Variants in ZNF600 observed in about 807,000 individuals in gnomAD.
The protein encoded by ZNF600 is zinc finger protein KR-ZNF1.
In ZNF600, 4 loss-of-function variants were observed where a neutral mutation model predicts 7.3. The ratio of observed to expected loss-of-function variants is 0.55; its 90% confidence interval spans 0.27 to 1.25. ZNF600 has a LOEUF of 1.25. Ranked by LOEUF, ZNF600 falls within the 50% of genes most tolerant of loss-of-function variation. The pLI is 0.12. For missense variants in ZNF600, 911 were observed against 922.1 expected (o/e 0.99, Z 0.16); for synonymous variants, 290 against 308.9 (o/e 0.94, Z 0.64).
the ZNF600 span, among the ~76,000 whole-genome samples, chr19:52,792,948 G>C: frequency 1.3e-5 from 2 of 151,798 alleles, no homozygotes; most frequent in African/African-American, 4.8e-5. Context: ...GTGTTTGCCA[G>C]GATGGTCTCG....
At chr19:52,814,283 C>A in the ZNF600 span, 91,560 of 144,860 alleles carry the variant, frequency 0.63, 32,850 homozygotes, top group Non-Finnish European at 0.71. Context: ...TAAATATAAC[C>A]ATATATATTT....
At chr19:52,792,442 A>G in the ZNF600 span, among the ~76,000 whole-genome samples, 2 of 152,082 alleles carry the variant, frequency 1.3e-5, no homozygotes, top group Non-Finnish European at 2.9e-5. Context: ...CAAAAGAAGG[A>G]CCCAGCACAG....
chr19:52,808,128 T>C, the ZNF600 span: 4 of 1,613,076 alleles, frequency 2.5e-6, no homozygotes, highest in Non-Finnish European at 3.4e-6. Context: ...TGAATGTCAA[T>C]AGACCCTGAA....
At chr19:52,803,094 T>TTATGTA in the ZNF600 span, among the ~76,000 whole-genome samples, 1 of 152,006 alleles carries the variant, frequency 6.6e-6, no homozygotes, top group African/African-American at 2.4e-5. Flanking sequence ...ATTTTTATTT[T>TTATGTA]TTTGAGATAC....
chr19:52,793,815 CACAA>C, the ZNF600 span, among the ~76,000 whole-genome samples: 3 of 132,640 alleles, frequency 2.3e-5, no homozygotes, highest in Admixed American at 7.8e-5. Flanking sequence ...CACACACACA[CACAA>C]AAGTGATGTA....
chr19:52,769,303 G>A (rs1178257503), intron 3 of ZNF600, among the ~76,000 whole-genome samples: 1 of 152,134 alleles, frequency 6.6e-6, no homozygotes, highest in African/African-American at 2.4e-5. Context: ...CAGTGGTCAC[G>A]CTCCTAGTCC....
chr19:52,830,832 GAAGT>G, the ZNF600 span, among the ~76,000 whole-genome samples: 4 of 146,784 alleles, frequency 2.7e-5, 1 homozygote, highest in Middle Eastern at 3.4e-3. Context: ...TGGAGAGCAG[GAAGT>G]AATGGGCATG....
the ZNF600 span, among the ~76,000 whole-genome samples, chr19:52,806,979 T>C: frequency 6.6e-6 from 1 of 152,168 alleles, no homozygotes; most frequent in Non-Finnish European, 1.5e-5. Flanking sequence ...TTTTCAGAGA[T>C]GTGAGGATTT....
At chr19:52,824,643 G>T in the ZNF600 span, among the ~76,000 whole-genome samples, 1 of 151,980 alleles carries the variant, frequency 6.6e-6, no homozygotes, top group East Asian at 1.9e-4. Flanking sequence ...TCAAAAAAAA[G>T]AAATAACTAA....
At chr19:52,801,829 G>C in the ZNF600 span, 1 of 874,542 alleles carries the variant, frequency 1.1e-6, no homozygotes, top group Non-Finnish European at 1.7e-6. Context: ...CAAAGTTTAA[G>C]AACACAAAAG....
chr19:52,801,303 C>G, the ZNF600 span: 29 of 1,614,098 alleles, frequency 1.8e-5, no homozygotes, highest in Non-Finnish European at 2.4e-5. Flanking sequence ...GGGCCTACAA[C>G]AAATTCTTTG....
chr19:52,801,028 A>C, the ZNF600 span: 1 of 1,614,154 alleles, frequency 6.2e-7, no homozygotes. Context: ...CACTCATTAC[A>C]CTTGTAAGGT....
At chr19:52,799,856 G>C in the ZNF600 span, 1 of 1,610,298 alleles carries the variant, frequency 6.2e-7, no homozygotes, top group Non-Finnish European at 8.5e-7. Flanking sequence ...CATTACACTT[G>C]TAAGGTTTCT....
the ZNF600 span, among the ~76,000 whole-genome samples, chr19:52,821,218 C>T: frequency 4.0e-3 from 606 of 152,196 alleles, 5 homozygotes; most frequent in African/African-American, 0.014. Context: ...CTGGGGTCGC[C>T]GCGCTGTGCT....
chr19:52,794,754 C>T, the ZNF600 span, among the ~76,000 whole-genome samples: 7 of 152,004 alleles, frequency 4.6e-5, no homozygotes, highest in South Asian at 4.2e-4. Context: ...ATTTGGGAGG[C>T]GGACTGGGGT....
At chr19:52,792,313 G>A in the ZNF600 span, among the ~76,000 whole-genome samples, 1 of 152,158 alleles carries the variant, frequency 6.6e-6, no homozygotes, top group Non-Finnish European at 1.5e-5. Flanking sequence ...AAGCAAAAAG[G>A]AAAAGTCAAG....
At chr19:52,778,937 T>C in intron 1 of ZNF600, 30 bp from the exon 4 acceptor site, 1 of 1,572,186 alleles carries the variant, frequency 6.4e-7, no homozygotes, top group Non-Finnish European at 8.6e-7. Flanking sequence ...AGACTTCTTG[T>C]TAGAAATGAC....
the ZNF600 span, among the ~76,000 whole-genome samples, chr19:52,828,986 G>A: frequency 5.3e-5 from 8 of 152,098 alleles, no homozygotes; most frequent in East Asian, 1.4e-3. Context: ...TCAGACTCCC[G>A]AGTAGCTGGG....
chr19:52,810,215 C>T, the ZNF600 span: 21 of 1,102,052 alleles, frequency 1.9e-5, no homozygotes, highest in Admixed American at 3.2e-4. Context: ...AGCTACAGAA[C>T]GACGTAGAGA....
Sources: allele counts gnomAD v4.1 joint callset (sites outside exome capture counted in the v4.1 genomes callset), GRCh38; gene constraint gnomAD v4.1.1; transcripts MANE v1.5; gene names NCBI Gene and HGNC (gene_info 2026-07-23, HGNC 2026-07-21).